Variants in GRK4 observed in about 807,000 individuals in gnomAD.
The protein encoded by GRK4 is G protein-coupled receptor kinase 2-like.
Under a neutral mutation model 77.9 loss-of-function variants are expected in GRK4, and 73 were observed. The ratio of observed to expected loss-of-function variants is 0.94; its 90% CI spans 0.78 to 1.14. GRK4 has a LOEUF of 1.14. Ranked by LOEUF, GRK4 falls within the 50% of genes most tolerant of loss-of-function variation. GRK4 has a pLI of 0.00. For synonymous variants in GRK4, 257 were observed against 254.4 expected (o/e 1.01, Z -0.10); for missense variants, 729 against 700.2 (o/e 1.04, Z -0.46).
chr4:2,985,400 CAA>C (rs34597270), intron 2 of GRK4, among the ~76,000 whole-genome samples: 1,212 of 119,198 alleles, frequency 0.01, 13 homozygotes, highest in African/African-American at 0.029. Flanking sequence ...GACTCTGTCT[CAA>C]AAAAAAAAAA....
chr4:2,965,544 T>C, intron 1 of GRK4: 1 of 686,962 alleles, frequency 1.5e-6, no homozygotes. Context: ...CGGCGATGCA[T>C]ATTTAAAGGA....
intron 6 of GRK4, 23 bp downstream of exon 6, chr4:3,007,851 A>C (rs746880035): frequency 3.3e-6 from 5 of 1,526,002 alleles, no homozygotes; most frequent in Non-Finnish European, 3.6e-6. Flanking sequence ...TTTAAACTTG[A>C]TAAAAGCCAA....
rs1415035248 is a variant in GRK4, at chr4:3,013,923, G to A, written c.741+95G>A. On this transcript the variant is annotated intron_variant, in intron 8 of 15. Transcript: ENST00000398052. ...CTCAGCTCACGCTCACTGAAGCCGT[G>A]GAAGTCATTTCTTGTTTTCTGAGTT... The A allele has an allele frequency of 1.1e-5, 14 of 1,331,978 alleles. No homozygotes were observed. In the African/African-American group the frequency reaches 1.9e-4, roughly 18 times the overall value. The allele number at this position is 1,331,978 out of a possible 1,614,324, so 82.5% of individuals were successfully genotyped here.
intron 4 of GRK4, among the ~76,000 whole-genome samples, chr4:3,001,089 A>ATATGTGTGTGTGTGTGTG: frequency 2.4e-5 from 2 of 82,428 alleles, no homozygotes; most frequent in African/African-American, 1.2e-4. Flanking sequence ...ATATATATAT[A>ATATGTGTGTGTGTGTGTG]TGTGTGTGTG....
chr4:3,003,379 C>T (rs541001296), intron 4 of GRK4, among the ~76,000 whole-genome samples: 1 of 152,050 alleles, frequency 6.6e-6, no homozygotes, highest in East Asian at 1.9e-4. Context: ...TTAGTAAAGA[C>T]AGGGTTTCAC....
chr4:3,030,656 G>A (rs1578378881), intron 12 of GRK4, among the ~76,000 whole-genome samples: 1 of 151,996 alleles, frequency 6.6e-6, no homozygotes, highest in Non-Finnish European at 1.5e-5. Context: ...GGTGAGAGGG[G>A]GTCGGCCTGC....
At position 3,035,521 on chromosome 4, in the gene GRK4, G is replaced by C. The variant is rs754996577; in HGVS notation, c.1405G>C (p.Asp469His). 3 of 1,612,336 alleles carry C rather than the reference G, an allele frequency of 1.9e-6. No homozygotes were observed. The East Asian group carries it at 6.7e-5, about 36-fold the overall frequency. Residue 469 changes from aspartate to histidine, a missense_variant and splice_region_variant, in exon 13 of 16, where the codon GAT (aspartate) becomes CAT (histidine). Physicochemically the swap from Asp to His is moderately conservative, Grantham distance 81. Coordinates refer to ENST00000398052, the MANE Select transcript of GRK4 (RefSeq NM_182982.3). ...ANMLEPPFCP[D>H]PHAVYCKDVL... ...CATGCTGGAGCCCCCTTTCTGTCCT[G>C]ATGTAAGTGCATTGCCAGGACGAGC...
At chr4:3,012,592 T>A (rs2471350) in intron 7 of GRK4, among the ~76,000 whole-genome samples, 55,451 of 152,024 alleles carry the variant, frequency 0.36, 10,422 homozygotes, top group Non-Finnish European at 0.38. Flanking sequence ...TTTAAAGCAG[T>A]CCCCTGTGGG....
In GRK4 at chr4:3,021,897, C is replaced by A. The variant is rs182933734; in HGVS notation, c.933-517C>A. Among the ~76,000 whole-genome samples, 64 of 152,298 alleles carry A rather than the reference C, an allele frequency of 4.2e-4. 1 individual carries two copies. Among genetic ancestry groups the A allele is most frequent in the African/African-American group, 1.4e-3 (60 of 41,570 alleles). On this transcript the variant is annotated intron_variant, in intron 9 of 15. Coordinates refer to ENST00000398052, the MANE Select transcript of GRK4 (RefSeq NM_182982.3). Reference sequence around the variant, plus strand: ...CTCAGTGGGGGCTGCACCATGTCTGCCCCATCCACCGCTGTGTCCACGGGA... The same window carrying A: ...CTCAGTGGGGGCTGCACCATGTCTGACCCATCCACCGCTGTGTCCACGGGA...
At chr4:2,981,060 C>T (rs538469064) in intron 1 of GRK4, among the ~76,000 whole-genome samples, 2 of 152,372 alleles carry the variant, frequency 1.3e-5, no homozygotes, top group East Asian at 1.9e-4. Context: ...AAGCGTACTG[C>T]AAGCAGCTGC....
intron 3 of GRK4, among the ~76,000 whole-genome samples, chr4:2,990,978 A>G (rs993632226): frequency 6.6e-6 from 1 of 152,172 alleles, no homozygotes. Flanking sequence ...TTTCCCCCTC[A>G]TGGCACATGG....
chr4:3,039,817 T>C (rs1373649949), intron 15 of GRK4, among the ~76,000 whole-genome samples: 2 of 151,754 alleles, frequency 1.3e-5, no homozygotes, highest in Admixed American at 6.6e-5. Flanking sequence ...ACTAACAAAA[T>C]GGCTCTCCCT....
Position 2,992,215 on chromosome 4 carries a change from G to A in GRK4, c.262G>A (p.Ala88Thr), listed in dbSNP as rs551413956. 2 of 1,604,248 alleles carry A rather than the reference G, an allele frequency of 1.2e-6. No individual in the cohort carries two copies. Among genetic ancestry groups the A allele is most frequent in the South Asian group, 1.1e-5 (1 of 90,936 alleles). ...TCTTTTCTTCCATCTCTCCAATCAG[G>A]CAGAATATGAAGTTGCCGATGATGA... ...KRHIEFLDAV[A>T]EYEVADDEDR... is the part of the protein sequence containing the mutation. Residue 88 changes from alanine to threonine, a missense_variant and splice_region_variant, in exon 4 of 16, where the codon GCA (alanine) becomes ACA (threonine). By Grantham distance (58) the Ala-to-Thr change is moderately conservative. Coordinates refer to ENST00000398052, the MANE Select transcript of GRK4 (RefSeq NM_182982.3).
intron 1 of GRK4, among the ~76,000 whole-genome samples, chr4:2,973,153 G>A: frequency 6.6e-6 from 1 of 152,220 alleles, no homozygotes; most frequent in East Asian, 1.9e-4. Context: ...CTTGGTCCTT[G>A]TCTTGCTGCC....
intron 1 of GRK4, among the ~76,000 whole-genome samples, chr4:2,975,163 C>T (rs1044942336): frequency 2.0e-5 from 3 of 152,046 alleles, no homozygotes; most frequent in Non-Finnish European, 4.4e-5. Context: ...ATTAGCTGGG[C>T]GTGGTTGCGC....
At chr4:3,021,298 T>C (rs990884728) in intron 9 of GRK4, among the ~76,000 whole-genome samples, 1 of 152,160 alleles carries the variant, frequency 6.6e-6, no homozygotes, top group Non-Finnish European at 1.5e-5. Context: ...TCTGAGAGAC[T>C]CCTGCTCATC....
intron 3 of GRK4, among the ~76,000 whole-genome samples, chr4:2,989,414 T>C (rs1198223672): frequency 1.3e-5 from 2 of 152,164 alleles, no homozygotes; most frequent in African/African-American, 4.8e-5. Flanking sequence ...TAATGCTTTT[T>C]TTATTTTTTA....
intron 10 of GRK4, 97 bp downstream of exon 10, chr4:3,022,548 G>A: frequency 9.4e-7 from 1 of 1,060,494 alleles, no homozygotes; most frequent in Admixed American, 2.2e-5. Flanking sequence ...ATGATTAGGA[G>A]AGAATGGAAA....
chr4:3,035,312 T>G, intron 12 of GRK4, 74 bp from the exon 13 acceptor site: 1 of 1,454,944 alleles, frequency 6.9e-7, no homozygotes, highest in Non-Finnish European at 9.7e-7. Flanking sequence ...CCTTTGGTTA[T>G]TATTATGCAG....
Sources: allele counts gnomAD v4.1 joint callset (sites outside exome capture counted in the v4.1 genomes callset), GRCh38; gene constraint gnomAD v4.1.1; transcripts MANE v1.5; gene names NCBI Gene and HGNC (gene_info 2026-07-23, HGNC 2026-07-21).